DNAJC24: variants seen among roughly 807,000 people sequenced by gnomAD.
DNAJC24 encodes the protein dnaJ homolog subfamily C member 24.
In DNAJC24, 17 loss-of-function variants were observed where a neutral mutation model predicts 18.0. The ratio of observed to expected loss-of-function variants is 0.94; its 90% CI spans 0.65 to 1.42. The LOEUF is 1.42. Among genes scored for constraint, DNAJC24 ranks in the 40% most tolerant of loss-of-function variants. The probability of loss-of-function intolerance (pLI) is 0.00; values close to 1 mark genes in which losing one functional copy is unlikely to be tolerated. For synonymous variants in DNAJC24, 55 were observed against 57.7 expected (o/e 0.95, Z 0.21); for missense variants, 158 against 175.6 (o/e 0.90, Z 0.57).
At chr11:31,423,384 C>T (rs1382692374) in intron 3 of DNAJC24, among the ~76,000 whole-genome samples, 1 of 152,152 alleles carries the variant, frequency 6.6e-6, no homozygotes, top group Non-Finnish European at 1.5e-5. Context: ...TCTCAGCCTC[C>T]CTATTAGCTA....
chr11:31,419,620 T>C (rs1952784998), intron 3 of DNAJC24, among the ~76,000 whole-genome samples: 1 of 152,040 alleles, frequency 6.6e-6, no homozygotes, highest in African/African-American at 2.4e-5. Flanking sequence ...TCTGATTTAA[T>C]AGTGGAGCAG....
Position 31,419,742 on chromosome 11 carries a change from C to A in DNAJC24, c.250+4793C>A, listed in dbSNP as rs148741783. ...GGTCCAAAATCAAGACTGACCGAGT[C>A]AGCTTTCTTATTTTTTCCTCAACCT... On this transcript the variant is annotated intron_variant, in intron 3 of 4. Coordinates refer to ENST00000465995, the MANE Select transcript of DNAJC24 (RefSeq NM_181706.5). Among the ~76,000 whole-genome samples, 156 of 152,128 alleles carry A rather than the reference C, an allele frequency of 1.0e-3. 1 individual carries two copies. The highest frequency in any genetic ancestry group is 3.4e-3 in the African/African-American group (143 of 41,540).
At chr11:31,371,104 G>T (rs757807141) in intron 2 of DNAJC24, among the ~76,000 whole-genome samples, 4 of 152,156 alleles carry the variant, frequency 2.6e-5, no homozygotes, top group Non-Finnish European at 5.9e-5. Flanking sequence ...TTATCTGTGA[G>T]AATTTGGACA....
At chr11:31,409,888 CTTTT>C (rs34773636) in intron 2 of DNAJC24, among the ~76,000 whole-genome samples, 1 of 137,640 alleles carries the variant, frequency 7.3e-6, no homozygotes, top group Non-Finnish European at 1.6e-5. Flanking sequence ...TTTTCTTTTT[CTTTT>C]TTTTTTTTTT....
intron 2 of DNAJC24, among the ~76,000 whole-genome samples, chr11:31,407,909 T>TA (rs913805166): frequency 6.7e-4 from 98 of 145,262 alleles, no homozygotes; most frequent in Middle Eastern, 3.6e-3. Flanking sequence ...GCCCCTCTCT[T>TA]AAAAAAAAAA....
intron 2 of DNAJC24, among the ~76,000 whole-genome samples, chr11:31,403,164 ATTC>A (rs1255049709): frequency 3.9e-5 from 5 of 129,414 alleles, no homozygotes; most frequent in Admixed American, 3.0e-4. Context: ...TGTGTGTATC[ATTC>A]TTCTTCATGA....
At chr11:31,406,819 AGTTCATG>A (rs1952661815) in intron 2 of DNAJC24, among the ~76,000 whole-genome samples, 2 of 152,240 alleles carry the variant, frequency 1.3e-5, no homozygotes, top group Admixed American at 6.5e-5. Flanking sequence ...TAGATTTGGC[AGTTCATG>A]GGAGGAGGGA....
chr11:31,414,988 C>T lies in DNAJC24; in HGVS notation c.250+39C>T, dbSNP rs146731433. 2.9e-4 allele frequency: 470 copies of T among 1,599,948 alleles called. 1 individual carries two copies. In the African/African-American group the frequency reaches 3.0e-3, roughly 10 times the overall value. On this transcript the variant is annotated intron_variant, in intron 3 of 4. Coordinates refer to ENST00000465995, the MANE Select transcript of DNAJC24 (RefSeq NM_181706.5). ...TTGAGGAGCCACAGCACATCGGCAACTCTTAGAAGCACACTCTGCAGCCAT... is the reference window on the plus strand; with the variant it reads ...TTGAGGAGCCACAGCACATCGGCAATTCTTAGAAGCACACTCTGCAGCCAT...
At chr11:31,372,321 C>A (rs1288041192) in intron 2 of DNAJC24, among the ~76,000 whole-genome samples, 1 of 91,150 alleles carries the variant, frequency 1.1e-5, no homozygotes, top group Admixed American at 1.2e-4. Flanking sequence ...ATACCAGTTA[C>A]ATCAGTGTTG....
At chr11:31,412,897 A>G (rs1331947967) in intron 2 of DNAJC24, among the ~76,000 whole-genome samples, 1 of 152,222 alleles carries the variant, frequency 6.6e-6, no homozygotes, top group Middle Eastern at 3.2e-3. Flanking sequence ...GAAGTTCAGC[A>G]TGAAAATGAA....
chr11:31,419,350 G>C (rs149609694), intron 3 of DNAJC24, among the ~76,000 whole-genome samples: 168 of 152,126 alleles, frequency 1.1e-3, no homozygotes, highest in African/African-American at 3.9e-3. Context: ...TTGGGGACTG[G>C]CTTTATCTTG....
chr11:31,391,916 C>CAGTTGA (rs1952500066), intron 2 of DNAJC24, among the ~76,000 whole-genome samples: 1 of 152,072 alleles, frequency 6.6e-6, no homozygotes, highest in South Asian at 2.1e-4. Flanking sequence ...CCTATTCAGC[C>CAGTTGA]ATAAAAAGTG....
intron 2 of DNAJC24, among the ~76,000 whole-genome samples, chr11:31,396,676 C>T (rs1489713790): frequency 6.6e-6 from 1 of 152,072 alleles, no homozygotes; most frequent in Non-Finnish European, 1.5e-5. Flanking sequence ...CCCATTCCAT[C>T]CTACTATCAG....
chr11:31,384,960 T>C (rs1952413393), intron 2 of DNAJC24: 1 of 152,168 alleles, frequency 6.6e-6, no homozygotes, highest in Non-Finnish European at 1.5e-5. Flanking sequence ...ATACTGTTTT[T>C]AGGAATAATA....
At chr11:31,399,373 T>C (rs1018388839) in intron 2 of DNAJC24, among the ~76,000 whole-genome samples, 4 of 152,150 alleles carry the variant, frequency 2.6e-5, no homozygotes, top group Non-Finnish European at 5.9e-5. Flanking sequence ...CATTTCTTTA[T>C]TTTTGTGAAT....
intron 2 of DNAJC24, among the ~76,000 whole-genome samples, chr11:31,401,324 C>A (rs1376235821): frequency 6.6e-6 from 1 of 152,138 alleles, no homozygotes. Context: ...AACACCAATA[C>A]CTACCACAAA....
At position 31,432,544 on chromosome 11, in the gene DNAJC24, A is replaced by G. The variant is rs1277911395; in HGVS notation, c.*2143A>G. The G allele has an allele frequency of 1.9e-6, 3 of 1,613,284 alleles. No homozygotes were observed. The highest frequency in any genetic ancestry group is 2.5e-6 in the Non-Finnish European group (3 of 1,179,348). The stretch of plus-strand genomic sequence containing the variant: ...TGGCCATTAGGGCTGGCACGTAAAA[A>G]TCCAAAATCACTCAGAGGCCAAATC... On this transcript the variant is annotated 3_prime_UTR_variant, in exon 5 of 5. Transcript: ENST00000465995.
intron 4 of DNAJC24, chr11:31,427,266 G>A (rs1464755374): frequency 3.9e-5 from 6 of 152,128 alleles, no homozygotes; most frequent in South Asian, 2.1e-4. Context: ...CCCCTAAGAC[G>A]TGGGTCACAA....
At chr11:31,414,767 A>C in intron 2 of DNAJC24, 44 bp from the exon 3 acceptor site, 1 of 1,563,418 alleles carries the variant, frequency 6.4e-7, no homozygotes, top group Non-Finnish European at 8.7e-7. Context: ...AACCCCACTC[A>C]GCTCTCTCTA....
Sources: allele counts gnomAD v4.1 joint callset (sites outside exome capture counted in the v4.1 genomes callset), GRCh38; gene constraint gnomAD v4.1.1; transcripts MANE v1.5; gene names NCBI Gene and HGNC (gene_info 2026-07-23, HGNC 2026-07-21).